RGS9: variants seen among roughly 807,000 people sequenced by gnomAD.
RGS9 encodes regulator of G protein signaling 9.
A neutral mutation model predicts 102.0 loss-of-function variants in RGS9; 78 were observed. The ratio of observed to expected loss-of-function variants is 0.76; its 90% confidence interval spans 0.64 to 0.92. The LOEUF (loss-of-function observed/expected upper bound fraction) is 0.92. Ranked by LOEUF, RGS9 falls within the 40% of genes least tolerant of loss-of-function variation. RGS9 has a pLI of 0.00. For missense variants in RGS9, 833 were observed against 866.1 expected (o/e 0.96, Z 0.48); for synonymous variants, 353 against 318.6 (o/e 1.11, Z -1.15).
At position 65,160,838 on chromosome 17, in the gene RGS9, C is replaced by T. The variant is rs144633842; in HGVS notation, c.365-13C>T. 31 of 1,612,742 alleles carry T rather than the reference C, an allele frequency of 1.9e-5. No homozygotes were observed. In the African/African-American group the frequency reaches 3.5e-4, roughly 18 times the overall value. ...AAGATGATGATGGAAAATGTCATTG[C>T]TTTCTTTTCCAGCCATCTATCTGGC... On this transcript the variant is annotated splice_polypyrimidine_tract_variant and intron_variant, in intron 5 of 18. Coordinates refer to ENST00000262406, the MANE Select transcript of RGS9 (RefSeq NM_003835.4).
intron 17 of RGS9, among the ~76,000 whole-genome samples, chr17:65,213,350 G>A (rs1913373237): frequency 6.6e-6 from 1 of 152,194 alleles, no homozygotes; most frequent in Non-Finnish European, 1.5e-5. Flanking sequence ...CTCAGGCCCT[G>A]CCCTCCAACT....
At chr17:65,190,331 T>A in intron 11 of RGS9, 95 bp downstream of exon 11, 1 of 981,232 alleles carries the variant, frequency 1.0e-6, no homozygotes, top group Non-Finnish European at 1.7e-6. Context: ...GCTGACAGAC[T>A]GAAGATTCAG....
intron 15 of RGS9, among the ~76,000 whole-genome samples, chr17:65,206,653 G>T (rs542928934): frequency 2.8e-4 from 42 of 152,238 alleles, no homozygotes; most frequent in African/African-American, 8.9e-4. Context: ...ATCCGGCCTG[G>T]GCGAAAGAGT....
In RGS9 at chr17:65,183,068, CTAT is replaced by C. The variant is rs1235754226; in HGVS notation, c.654+5266_654+5268del. Among the ~76,000 whole-genome samples the C allele has an allele frequency of 1.8e-4, 23 of 128,790 alleles. 1 individual carries two copies. Among genetic ancestry groups the C allele is most frequent in the African/African-American group, 6.0e-4 (23 of 38,024 alleles). 84.5% of individuals were successfully genotyped at this position (128,790 alleles called of 152,430 possible). A position where few individuals can be genotyped will look rare whatever the true frequency, so the allele number is the denominator to read the frequency against. The stretch of plus-strand genomic sequence containing the variant: ...ACCCCCTTAATTTTTTTAAATCTAT[CTAT>C]CTATCTATCTATCTATCTATCTATC... On this transcript the variant is annotated intron_variant, in intron 9 of 18. Transcript: ENST00000262406.
intron 1 of RGS9, among the ~76,000 whole-genome samples, chr17:65,145,168 A>G (rs1390638327): frequency 1.3e-5 from 2 of 151,478 alleles, no homozygotes; most frequent in South Asian, 2.1e-4. Flanking sequence ...TTGGCTCACT[A>G]CAACCTCCAC....
intron 13 of RGS9, among the ~76,000 whole-genome samples, chr17:65,201,643 T>C (rs945691779): frequency 1.3e-5 from 2 of 152,182 alleles, no homozygotes; most frequent in Admixed American, 1.3e-4. Flanking sequence ...TGGGGGGTGA[T>C]ATGAACTCTG....
Position 65,189,303 on chromosome 17 carries a change from T to C in RGS9, c.672T>C (p.Ala224=), listed in dbSNP as rs767133023. 1 of 1,612,374 alleles carries C rather than the reference T, an allele frequency of 6.2e-7. No homozygotes were observed. The highest frequency in any genetic ancestry group is 1.7e-5 in the Admixed American group (1 of 60,006). Residue 224 remains alanine (A), a synonymous_variant, in exon 10 of 19, where the codon GCT becomes GCC. Coordinates refer to ENST00000262406, the MANE Select transcript of RGS9 (RefSeq NM_003835.4). The part of the protein sequence containing the change: ...VKVNQKQTVV[A]VKKEIMYYQQ... ...TCTTACAGAAACAAACAGTCGTTGCTGTCAAAAAAGAGGTAATTAGTCTTA... is the reference window on the plus strand; with the variant it reads ...TCTTACAGAAACAAACAGTCGTTGCCGTCAAAAAAGAGGTAATTAGTCTTA...
In RGS9 at chr17:65,137,421, C is replaced by G; in HGVS notation, c.-120C>G. On this transcript the variant is annotated 5_prime_UTR_variant, in exon 1 of 19. Transcript: ENST00000262406. ...GGGGGCCCGGCCCGCGCCCTCCCCG[C>G]CCAGCCGCCTCCCCGTCGACGCCCA... 9.8e-7 allele frequency: 1 copy of G among 1,018,948 alleles called. No homozygotes were observed. The highest frequency in any genetic ancestry group is 1.3e-5 in the South Asian group (1 of 78,484). 63.1% of individuals were successfully genotyped at this position (1,018,948 alleles called of 1,614,324 possible). A position where few individuals can be genotyped will look rare whatever the true frequency, so the allele number is the denominator to read the frequency against.
At chr17:65,182,796 T>C (rs899725086) in intron 9 of RGS9, among the ~76,000 whole-genome samples, 4 of 152,162 alleles carry the variant, frequency 2.6e-5, no homozygotes, top group Non-Finnish European at 4.4e-5. Context: ...GCCGGCTTCA[T>C]GGGCAGGGGG....
chr17:65,204,141 T>C, intron 14 of RGS9, 22 bp from the exon 15 acceptor site: 1 of 1,612,138 alleles, frequency 6.2e-7, no homozygotes, highest in Non-Finnish European at 8.5e-7. Flanking sequence ...TTACTTTTGC[T>C]AACATCTCCC....
chr17:65,185,952 A>C lies in RGS9; in HGVS notation c.655-3334A>C, dbSNP rs373101615. Among the ~76,000 whole-genome samples the C allele has an allele frequency of 4.8e-4, 73 of 152,252 alleles. No homozygotes were observed. The East Asian group carries it at 0.011, about 24-fold the overall frequency. ...ATGCATCTGTGTGCGTCCACTCAGG[A>C]GCCCTGTGCCCCCATGTTCTGGCCG... On this transcript the variant is annotated intron_variant, in intron 9 of 18. Coordinates refer to ENST00000262406, the MANE Select transcript of RGS9 (RefSeq NM_003835.4).
chr17:65,141,040 G>A (rs892646260), intron 1 of RGS9, among the ~76,000 whole-genome samples: 2 of 152,206 alleles, frequency 1.3e-5, no homozygotes, highest in African/African-American at 4.8e-5. Context: ...AGCCATACTG[G>A]TCAGAAAGGA....
At chr17:65,151,195 A>G (rs1179392811) in intron 1 of RGS9, among the ~76,000 whole-genome samples, 2 of 152,082 alleles carry the variant, frequency 1.3e-5, no homozygotes, top group African/African-American at 2.4e-5. Flanking sequence ...AAATACAAAA[A>G]TTGACTGAGC....
At position 65,223,373 on chromosome 17, in the gene RGS9, C is replaced by T. The variant is rs980565959; in HGVS notation, c.1408-1629C>T. 5.9e-5 allele frequency among the ~76,000 whole-genome samples: 9 copies of T among 152,330 alleles called. No homozygotes were observed. In the South Asian group the frequency reaches 6.2e-4, roughly 11 times the overall value. On this transcript the variant is annotated intron_variant, in intron 17 of 18. Transcript: ENST00000262406. ...GAGCTGCTGTTTGGGAACAGAATCT[C>T]GTTTGAACTTCAGGGAGCTGGTGGG...
intron 9 of RGS9, among the ~76,000 whole-genome samples, chr17:65,181,803 G>A (rs1393878922): frequency 6.6e-6 from 1 of 152,214 alleles, no homozygotes. Context: ...CTCTAACAGG[G>A]GAAGCATGCT....
chr17:65,171,443 G>A (rs911829659), intron 8 of RGS9, among the ~76,000 whole-genome samples: 1 of 152,190 alleles, frequency 6.6e-6, no homozygotes, highest in Non-Finnish European at 1.5e-5. Flanking sequence ...TCTTTCTGAT[G>A]GTAAAGCCCG....
intron 9 of RGS9, among the ~76,000 whole-genome samples, chr17:65,183,810 C>A (rs1173605296): frequency 1.3e-5 from 2 of 152,182 alleles, no homozygotes; most frequent in African/African-American, 4.8e-5. Context: ...CTTATTTCTC[C>A]CCTGCACTCC....
At chr17:65,207,790 T>C (rs1598616584) in intron 15 of RGS9, 132 bp from the exon 16 acceptor site, 2 of 647,360 alleles carry the variant, frequency 3.1e-6, no homozygotes, top group Non-Finnish European at 5.6e-6. Context: ...CCCAACACCT[T>C]TCACCCAAGG....
At chr17:65,223,519 C>G (rs1374496819) in intron 17 of RGS9, among the ~76,000 whole-genome samples, 2 of 152,358 alleles carry the variant, frequency 1.3e-5, no homozygotes, top group South Asian at 4.1e-4. Context: ...CTGGGACCTG[C>G]CCATGCAGGT....
Sources: allele counts gnomAD v4.1 joint callset (sites outside exome capture counted in the v4.1 genomes callset), GRCh38; gene constraint gnomAD v4.1.1; transcripts MANE v1.5; gene names NCBI Gene and HGNC (gene_info 2026-07-23, HGNC 2026-07-21).